REPS2: variants seen among roughly 807,000 people sequenced by gnomAD.
REPS2 encodes RALBP1 associated Eps domain containing 2.
In REPS2, 23 loss-of-function variants were observed where a neutral mutation model predicts 53.6. The ratio of observed to expected loss-of-function variants is 0.43; its 90% CI spans 0.31 to 0.61. The LOEUF is 0.61. Ranked by LOEUF, REPS2 falls within the 20% of genes least tolerant of loss-of-function variation. The probability of loss-of-function intolerance (pLI) is 0.11; values close to 1 mark genes in which losing one functional copy is unlikely to be tolerated. For missense variants in REPS2, 446 were observed against 534.9 expected (o/e 0.83, Z 1.64); for synonymous variants, 238 against 218.6 (o/e 1.09, Z -0.78).
chrX:17,059,243 C>T (rs1434142995), intron 8 of REPS2, among the ~76,000 whole-genome samples: 4 of 107,281 alleles, frequency 3.7e-5, no homozygotes, highest in Middle Eastern at 4.3e-3. Context: ...ATCTCCTGAC[C>T]TCATGATCCA....
At chrX:17,022,978 G>A (rs1217840005) in intron 3 of REPS2, among the ~76,000 whole-genome samples, 1 of 112,254 alleles carries the variant, frequency 8.9e-6, no homozygotes, top group Non-Finnish European at 1.9e-5. Context: ...AATCTCAGAA[G>A]AGTGGGCAGA....
rs764594052 is a variant in REPS2 at position 17,110,767 on chromosome X, A to G, written c.1578+6988A>G. ...AGTGGCTCACGCCTGTAATCCCAAC[A>G]CTTTGGGAGGCTGAAGTGGGCAGAT... On this transcript the variant is annotated intron_variant, in intron 14 of 17. Coordinates refer to ENST00000357277, the MANE Select transcript of REPS2 (RefSeq NM_004726.3). Among the ~76,000 whole-genome samples the G allele has an allele frequency of 3.7e-5, 4 of 108,160 alleles. No homozygotes were observed. The South Asian group carries it at 1.6e-3, about 43-fold the overall frequency. 93.9% of individuals were successfully genotyped at this position (108,160 alleles called of 115,157 possible).
intron 2 of REPS2, among the ~76,000 whole-genome samples, chrX:17,013,982 C>T (rs1765733796): frequency 9.0e-6 from 1 of 111,385 alleles, no homozygotes; most frequent in South Asian, 3.7e-4. Flanking sequence ...TCTCCCCAAC[C>T]TTTTGAGCTG....
At chrX:16,960,740 C>T (rs755160033) in intron 1 of REPS2, among the ~76,000 whole-genome samples, 6 of 111,788 alleles carry the variant, frequency 5.4e-5, no homozygotes, top group Non-Finnish European at 1.1e-4. Flanking sequence ...ATGTAGAAAA[C>T]CCTGGACTCC....
chrX:17,062,584 A>G (rs780500838), intron 9 of REPS2, 52 bp downstream of exon 9: 5 of 900,912 alleles, frequency 5.5e-6, no homozygotes, highest in Non-Finnish European at 7.8e-6. Context: ...AGCTAAATCC[A>G]TTGGCCTATG....
At chrX:16,976,841 G>A (rs2060961069) in intron 1 of REPS2, among the ~76,000 whole-genome samples, 2 of 111,615 alleles carry the variant, frequency 1.8e-5, no homozygotes, top group African/African-American at 3.3e-5. Flanking sequence ...TAATAAAATT[G>A]CCTAGGTGGT....
At chrX:17,085,340 G>T (rs947158279) in intron 13 of REPS2, among the ~76,000 whole-genome samples, 9 of 111,721 alleles carry the variant, frequency 8.1e-5, no homozygotes, top group Non-Finnish European at 1.7e-4. Context: ...TTTCAGGATT[G>T]TTTTGGTTAT....
intron 5 of REPS2, among the ~76,000 whole-genome samples, chrX:17,041,211 G>T: frequency 9.0e-6 from 1 of 110,900 alleles, no homozygotes; most frequent in Non-Finnish European, 1.9e-5. Flanking sequence ...TAGGCCACTG[G>T]TGCTCACATT....
chrX:16,951,559 A>ACACACACACACACACCCCC (rs879259718), intron 1 of REPS2, among the ~76,000 whole-genome samples: 1 of 37,477 alleles, frequency 2.7e-5, no homozygotes, highest in Non-Finnish European at 5.5e-5. Context: ...ACACACACAC[A>ACACACACACACACACCCCC]CCCCCGCTAC....
the REPS2 span, among the ~76,000 whole-genome samples, chrX:17,194,290 A>G: frequency 9.0e-6 from 1 of 111,479 alleles, no homozygotes; most frequent in Non-Finnish European, 1.9e-5. Context: ...ATAGGTTCTC[A>G]ATATATATTA....
At chrX:17,027,852 A>G (rs2061666321) in intron 4 of REPS2, among the ~76,000 whole-genome samples, 1 of 110,548 alleles carries the variant, frequency 9.0e-6, no homozygotes, top group Non-Finnish European at 1.9e-5. Context: ...GATCCAATTA[A>G]GGAAGGAGCC....
the REPS2 span, among the ~76,000 whole-genome samples, chrX:17,164,330 T>C: frequency 3.6e-5 from 4 of 111,711 alleles, no homozygotes; most frequent in Admixed American, 3.8e-4. Flanking sequence ...GATCCTATAA[T>C]ACATGGTCTA....
intron 14 of REPS2, among the ~76,000 whole-genome samples, chrX:17,117,948 C>CTTTTTTTT (rs145872769): frequency 3.2e-5 from 1 of 31,007 alleles, no homozygotes; most frequent in Non-Finnish European, 5.2e-5. Flanking sequence ...TGTTTCCTGA[C>CTTTTTTTT]TTTTTTTTTT....
At chrX:17,072,937 G>A (rs1005940078) in intron 11 of REPS2, among the ~76,000 whole-genome samples, 3 of 112,351 alleles carry the variant, frequency 2.7e-5, no homozygotes, top group Non-Finnish European at 3.8e-5. Flanking sequence ...CTCTGGCAGC[G>A]TTTCAGCTGT....
At chrX:17,167,073 C>G in the REPS2 span, among the ~76,000 whole-genome samples, 1 of 111,744 alleles carries the variant, frequency 8.9e-6, no homozygotes, top group Non-Finnish European at 1.9e-5. Flanking sequence ...GCTTCTATTT[C>G]TCATGTATAC....
chrX:16,992,095 C>A (rs1230500567), intron 1 of REPS2, among the ~76,000 whole-genome samples: 1 of 111,387 alleles, frequency 9.0e-6, no homozygotes, highest in Non-Finnish European at 1.9e-5. Flanking sequence ...TGTGTCTCCC[C>A]CAAATTCCTA....
chrX:16,986,362 G>A (rs2061090606), intron 1 of REPS2, among the ~76,000 whole-genome samples: 1 of 111,923 alleles, frequency 8.9e-6, no homozygotes, highest in Admixed American at 9.5e-5. Flanking sequence ...TCAGGTCAGT[G>A]CTCTTTGGAA....
At chrX:16,949,478 G>T (rs1198364786) in intron 1 of REPS2, among the ~76,000 whole-genome samples, 1 of 112,252 alleles carries the variant, frequency 8.9e-6, no homozygotes, top group Non-Finnish European at 1.9e-5. Context: ...CGTGATCTTG[G>T]CTCACTGCAA....
intron 1 of REPS2, among the ~76,000 whole-genome samples, chrX:16,957,186 G>A (rs2060607337): frequency 9.0e-6 from 1 of 111,342 alleles, no homozygotes. Context: ...GAGGCGGGCG[G>A]ATCACTTGAG....
Sources: gnomAD v4.1 joint callset for allele counts (sites outside exome capture counted in the v4.1 genomes callset) on GRCh38, gnomAD v4.1.1 for gene constraint, MANE v1.5 for transcripts, NCBI Gene and HGNC (gene_info 2026-07-23, HGNC 2026-07-21) for gene names.